ZNF766: variants seen among roughly 807,000 people sequenced by gnomAD.
ZNF766 encodes zinc finger protein 766.
In ZNF766, 13 loss-of-function variants were observed where a neutral mutation model predicts 13.2. The observed-to-expected ratio is 0.98, with a 90% confidence interval of 0.64 to 1.56. ZNF766 has a LOEUF of 1.56. Among genes scored for constraint, ZNF766 ranks in the 40% most tolerant of loss-of-function variants. The probability of loss-of-function intolerance (pLI) is 0.00; values close to 1 mark genes in which losing one functional copy is unlikely to be tolerated. For synonymous variants in ZNF766, 178 were observed against 187.6 expected (o/e 0.95, Z 0.42); for missense variants, 521 against 552.2 (o/e 0.94, Z 0.57).
At chr19:52,277,672 C>G (rs942942757) in intron 1 of ZNF766, 1 of 968,218 alleles carries the variant, frequency 1.0e-6, no homozygotes, top group Non-Finnish European at 1.6e-6. Context: ...CCCATGCCTT[C>G]CTTCAGTCCC....
chr19:52,286,150 A>C (rs1329316004), intron 3 of ZNF766, among the ~76,000 whole-genome samples: 1 of 146,724 alleles, frequency 6.8e-6, no homozygotes, highest in South Asian at 2.1e-4. Context: ...TCAATTAAAA[A>C]AAAAAAAAGA....
intron 1 of ZNF766, among the ~76,000 whole-genome samples, chr19:52,281,218 T>G (rs1981497723): frequency 6.6e-6 from 1 of 151,778 alleles, no homozygotes; most frequent in African/African-American, 2.4e-5. Flanking sequence ...CATGACCTTA[T>G]AAGTGTTCTA....
intron 1 of ZNF766, among the ~76,000 whole-genome samples, chr19:52,278,666 A>G (rs1399798512): frequency 6.6e-6 from 1 of 152,006 alleles, no homozygotes; most frequent in African/African-American, 2.4e-5. Context: ...CAGCCTCCCA[A>G]AGTGCTGGGA....
intron 1 of ZNF766, among the ~76,000 whole-genome samples, chr19:52,276,571 T>A (rs1160910927): frequency 1.3e-5 from 2 of 152,118 alleles, no homozygotes; most frequent in Non-Finnish European, 2.9e-5. Flanking sequence ...ATTGGTTTTG[T>A]TTAAGTGATC....
At chr19:52,276,307 G>A (rs566126558) in intron 1 of ZNF766, among the ~76,000 whole-genome samples, 1 of 152,192 alleles carries the variant, frequency 6.6e-6, no homozygotes, top group South Asian at 2.1e-4. Context: ...AAATATAAAT[G>A]CTATGTAAAT....
At chr19:52,289,262 G>A (rs558837555) in intron 3 of ZNF766, among the ~76,000 whole-genome samples, 2 of 142,428 alleles carry the variant, frequency 1.4e-5, no homozygotes, top group East Asian at 2.2e-4. Flanking sequence ...GCAGTTCTCC[G>A]GCCTCAGCCT....
At chr19:52,289,008 C>T (rs1052574466) in intron 3 of ZNF766, among the ~76,000 whole-genome samples, 5 of 151,714 alleles carry the variant, frequency 3.3e-5, no homozygotes, top group African/African-American at 9.7e-5. Context: ...GCCACCACAC[C>T]TGGCTAATTT....
intron 1 of ZNF766, chr19:52,274,438 C>A (rs1039653268): frequency 6.6e-6 from 1 of 152,314 alleles, no homozygotes; most frequent in South Asian, 2.1e-4. Flanking sequence ...GTGATGCTGG[C>A]GGAAACAAAC....
chr19:52,291,263 A>T lies in ZNF766; in HGVS notation c.*65A>T. The stretch of plus-strand genomic sequence containing the variant: ...ATCCGAGAGTCTATACTAGAAAGAA[A>T]TCATTTAAATGTACTATATGTGGCA... On this transcript the variant is annotated 3_prime_UTR_variant, in exon 4 of 4. Coordinates refer to ENST00000439461, the MANE Select transcript of ZNF766 (RefSeq NM_001010851.3). The T allele has an allele frequency of 3.5e-6, 5 of 1,443,950 alleles. No homozygotes were observed. The highest frequency in any genetic ancestry group is 4.7e-6 in the Non-Finnish European group (5 of 1,072,048). 89.4% of individuals were successfully genotyped at this position (1,443,950 alleles called of 1,614,324 possible).
chr19:52,280,782 A>G (rs1981468651), intron 1 of ZNF766, among the ~76,000 whole-genome samples: 1 of 151,366 alleles, frequency 6.6e-6, no homozygotes. Flanking sequence ...AGGTTTCACC[A>G]TGTTGGCCAG....
In ZNF766 at chr19:52,291,378, A is replaced by G; in HGVS notation, c.*180A>G. 1.6e-6 allele frequency: 1 copy of G among 615,204 alleles called. No homozygotes were observed. The highest frequency in any genetic ancestry group is 2.7e-6 in the Non-Finnish European group (1 of 365,742). 38.1% of individuals were successfully genotyped at this position (615,204 alleles called of 1,614,324 possible). On this transcript the variant is annotated 3_prime_UTR_variant, in exon 4 of 4. Coordinates refer to ENST00000439461, the MANE Select transcript of ZNF766 (RefSeq NM_001010851.3). ...AAATGGATTGTGTGTGCCAAGGCCA[A>G]CAAGTCAAAATATGTTGAACCTAAT...
At chr19:52,288,996 A>T (rs925329847) in intron 3 of ZNF766, among the ~76,000 whole-genome samples, 2 of 150,958 alleles carry the variant, frequency 1.3e-5, no homozygotes, top group Non-Finnish European at 3.0e-5. Context: ...TTACAGGCGC[A>T]CGCCACCACA....
chr19:52,290,316 A>T lies in ZNF766; in HGVS notation c.525A>T (p.Ser175=), dbSNP rs1214017425. The T allele has an allele frequency of 6.2e-7, 1 of 1,613,986 alleles. No homozygotes were observed. The highest frequency in any genetic ancestry group is 2.2e-5 in the East Asian group (1 of 44,886). The part of the protein sequence containing the change: ...RNDFVDFPLL[S]QEQKAHIRRK... ...ATTTTGTTGATTTTCCATTGCTGTC[A>T]CAAGAACAGAAAGCACACATTAGGA... is the stretch of plus-strand genomic sequence containing the variant. Residue 175 remains serine, a synonymous_variant, in exon 4 of 4, where the codon TCA becomes TCT. Coordinates refer to ENST00000439461, the MANE Select transcript of ZNF766 (RefSeq NM_001010851.3).
At chr19:52,288,371 A>C (rs60939210) in intron 3 of ZNF766, among the ~76,000 whole-genome samples, 1 of 151,728 alleles carries the variant, frequency 6.6e-6, no homozygotes, top group East Asian at 1.9e-4. Flanking sequence ...TTTATACGTT[A>C]TTTCATTGTA....
At chr19:52,278,757 G>C (rs1391497151) in intron 1 of ZNF766, among the ~76,000 whole-genome samples, 1 of 152,140 alleles carries the variant, frequency 6.6e-6, no homozygotes. Flanking sequence ...TAAGTTCCTT[G>C]TAGATGCTGG....
chr19:52,277,687 A>C, intron 1 of ZNF766: 1 of 923,010 alleles, frequency 1.1e-6, no homozygotes, highest in African/African-American at 1.6e-5. Flanking sequence ...AGTCCCTCTC[A>C]TCTCGCTTAG....
intron 3 of ZNF766, among the ~76,000 whole-genome samples, chr19:52,286,396 C>G (rs1981832277): frequency 6.6e-6 from 1 of 151,244 alleles, no homozygotes; most frequent in Non-Finnish European, 1.5e-5. Context: ...CAGCCTCCAC[C>G]TCCCAGGCTC....
rs115762707 is a variant in ZNF766 at position 52,277,633 on chromosome 19, A to G, written c.19-4478A>G. The G allele has an allele frequency of 6.6e-4, 909 of 1,375,066 alleles. 4 individuals carry two copies. In the African/African-American group the frequency reaches 0.011, roughly 17 times the overall value. 85.2% of individuals were successfully genotyped at this position (1,375,066 alleles called of 1,614,324 possible). ...TGAGAATCTTCTCTGAGTCTGAAGC[A>G]TCCTGCCTGACAGGTTTGCTCACAC... On this transcript the variant is annotated intron_variant, in intron 1 of 3. Transcript: ENST00000439461.
At position 52,293,376 on chromosome 19, in the gene ZNF766, T is replaced by C. The variant is rs1189762972; in HGVS notation, c.*2178T>C. 6.6e-6 allele frequency: 1 copy of C among 152,092 alleles called. No homozygotes were observed. The highest frequency in any genetic ancestry group is 1.9e-4 in the East Asian group (1 of 5,170). 9.4% of individuals were successfully genotyped at this position (152,092 alleles called of 1,614,324 possible). On this transcript the variant is annotated 3_prime_UTR_variant, in exon 4 of 4. Transcript: ENST00000439461. The stretch of plus-strand genomic sequence containing the variant: ...TTTTAGTAGAGATGGGGTTTCACCA[T>C]GTTGGCCAGGCCGGTCTCGAAGTCC...
Sources: allele counts gnomAD v4.1 joint callset (sites outside exome capture counted in the v4.1 genomes callset), GRCh38; gene constraint gnomAD v4.1.1; transcripts MANE v1.5; gene names NCBI Gene and HGNC (gene_info 2026-07-23, HGNC 2026-07-21).